Variants in PPL observed in about 807,000 individuals in gnomAD.
PPL encodes the protein periplakin.
In PPL, 198 loss-of-function variants were observed where a neutral mutation model predicts 194.4. The observed-to-expected ratio is 1.02, with a 90% CI of 0.91 to 1.15. The LOEUF is 1.15. PPL is among the 50% of genes most tolerant of loss of function. The pLI, the probability that PPL is intolerant of heterozygous loss-of-function variation, is 0.00. For missense variants in PPL, 2,885 were observed against 2,294.8 expected (o/e 1.26, Z -5.25); for synonymous variants, 1,220 against 972.4 (o/e 1.25, Z -4.74).
chr16:4,902,617 C>T lies in PPL; in HGVS notation c.318-91G>A. On this transcript the variant is annotated intron_variant, in intron 3 of 21. Coordinates refer to ENST00000345988, the MANE Select transcript of PPL (RefSeq NM_002705.5). The surrounding 1 kb of genome is among the most constrained non-coding windows in gnomAD (Gnocchi z 4.0). The stretch of plus-strand genomic sequence containing the variant: ...CCCACCCAGACCCCGGCCTCAGTGT[C>T]CTGGAAGGACACAGTGACCATATGG... 2 of 1,461,858 alleles carry T rather than the reference C, an allele frequency of 1.4e-6. No individual in the cohort carries two copies. The highest frequency in any genetic ancestry group is 1.9e-6 in the Non-Finnish European group (2 of 1,077,056). The allele number at this position is 1,461,858 out of a possible 1,614,324, so 90.6% of individuals were successfully genotyped here.
At chr16:4,922,610 C>T (rs1029094968) in intron 1 of PPL, among the ~76,000 whole-genome samples, 4 of 151,964 alleles carry the variant, frequency 2.6e-5, no homozygotes, top group Non-Finnish European at 2.9e-5. Context: ...TGTAGTGAGC[C>T]GAGACTGTGC....
Position 4,920,698 on chromosome 16 carries a change from T to G in PPL, c.63-9749A>C, listed in dbSNP as rs367736108. Among the ~76,000 whole-genome samples the G allele has an allele frequency of 5.9e-5, 9 of 152,232 alleles. No individual in the cohort carries two copies. In the East Asian group the frequency reaches 7.7e-4, roughly 13 times the overall value. ...GGGTGGTCTTGAACTCCTGATCAGG[T>G]GATCTGCCTGCTTCGGCCTCCCAAA... is the stretch of plus-strand genomic sequence containing the variant. On this transcript the variant is annotated intron_variant, in intron 1 of 21. Coordinates refer to ENST00000345988, the MANE Select transcript of PPL (RefSeq NM_002705.5).
At chr16:4,894,640 G>A (rs368077308) in intron 11 of PPL, 22 bp from the exon 12 acceptor site, 5 of 1,608,578 alleles carry the variant, frequency 3.1e-6, no homozygotes, top group Admixed American at 1.7e-5. Flanking sequence ...AGGCTGGACA[G>A]TCAGGATCCC....
In PPL at chr16:4,901,172, G is replaced by A. The variant is rs1208563600; in HGVS notation, c.439-83C>T. The A allele has an allele frequency of 7.5e-6, 11 of 1,469,608 alleles. 1 individual carries two copies. The highest frequency in any genetic ancestry group is 6.4e-5 in the South Asian group (5 of 78,150). The allele number at this position is 1,469,608 out of a possible 1,614,324, so 91.0% of individuals were successfully genotyped here. On this transcript the variant is annotated intron_variant, in intron 4 of 21. Coordinates refer to ENST00000345988, the MANE Select transcript of PPL (RefSeq NM_002705.5). ...TGGCCACCCCAGGAGCCTCGGGGGT[G>A]GGCATGATGGTGCTCTCTTTTTCAC...
rs140712069 is a variant in PPL at position 4,902,776 on chromosome 16, G to A, written c.318-250C>T. ...GTCATCTCAGCTCATGGCAGCCTCC[G>A]CCTCCCAGGTTCAAGCAATTCTCCT... is the stretch of plus-strand genomic sequence containing the variant. On this transcript the variant is annotated intron_variant, in intron 3 of 21. Coordinates refer to ENST00000345988, the MANE Select transcript of PPL (RefSeq NM_002705.5). This position sits in a 1 kb window ranked among gnomAD's most constrained non-coding sequence, Gnocchi z 4.0. Among the ~76,000 whole-genome samples, 1,104 of 151,200 alleles carry A rather than the reference G, an allele frequency of 7.3e-3. 9 individuals are homozygous for A. The highest frequency in any genetic ancestry group is 0.025 in the African/African-American group (1,046 of 41,108).
chr16:4,895,813 C>A, intron 9 of PPL, 97 bp from the exon 10 acceptor site: 1 of 1,544,882 alleles, frequency 6.5e-7, no homozygotes, highest in African/African-American at 1.4e-5. Flanking sequence ...CGGGGCTGGG[C>A]CTCCGGTTCA....
chr16:4,910,624 G>A (rs2142385397), intron 2 of PPL, among the ~76,000 whole-genome samples: 1 of 152,282 alleles, frequency 6.6e-6, no homozygotes, highest in South Asian at 2.1e-4. Flanking sequence ...TGGCACCCCT[G>A]CCCTACAGTG....
At chr16:4,924,488 G>C (rs1485865520) in intron 1 of PPL, among the ~76,000 whole-genome samples, 1 of 152,170 alleles carries the variant, frequency 6.6e-6, no homozygotes, top group Non-Finnish European at 1.5e-5. Context: ...GGCGCTCAGA[G>C]CATCTTCCAG....
In PPL at chr16:4,895,704, C is replaced by T. The variant is rs142355114; in HGVS notation, c.985G>A (p.Val329Met). Residue 329 changes from valine to methionine, a missense_variant, in exon 10 of 22, where the codon GTG becomes ATG. By Grantham distance (21) the Val-to-Met change is conservative (BLOSUM62 1). Transcript: ENST00000345988. ...MEDYHQFHED[V>M]KDAQELLRKV... ...CGCAGCAGCTCCTGAGCGTCCTTCA[C>T]GTCTTCGTGAAACTAGGGGAGAAGG... The T allele has an allele frequency of 6.0e-5, 97 of 1,613,820 alleles. No individual in the cohort carries two copies. Among genetic ancestry groups the T allele is most frequent in the African/African-American group, 8.0e-5 (6 of 74,944 alleles).
intron 16 of PPL, chr16:4,891,527 C>T (rs1253902073): frequency 2.8e-6 from 1 of 363,508 alleles, no homozygotes; most frequent in South Asian, 9.8e-5. Context: ...AGCAATCCTG[C>T]CCCAGCCTCC....
rs752632663 is a variant in PPL at position 4,937,057 on chromosome 16, G to C, written c.-12C>G. 1.6e-5 allele frequency: 23 copies of C among 1,417,860 alleles called. No homozygotes were observed. Among genetic ancestry groups the C allele is most frequent in the Admixed American group, 5.1e-5 (2 of 39,248 alleles). 87.8% of individuals were successfully genotyped at this position (1,417,860 alleles called of 1,614,324 possible). ...AAGAGCGAGTTCATGGTGGCGCTCGGGGTGCGGGCGGCGGCGGCTGGCGGG... is the reference window on the plus strand; with the variant it reads ...AAGAGCGAGTTCATGGTGGCGCTCGCGGTGCGGGCGGCGGCGGCTGGCGGG... On this transcript the variant is annotated 5_prime_UTR_variant, in exon 1 of 22. Coordinates refer to ENST00000345988, the MANE Select transcript of PPL (RefSeq NM_002705.5).
In PPL at chr16:4,886,032, C is replaced by T; in HGVS notation, c.2623G>A (p.Val875Met). 6.2e-7 allele frequency: 1 copy of T among 1,613,992 alleles called. No individual in the cohort carries two copies. Among genetic ancestry groups the T allele is most frequent in the Non-Finnish European group, 8.5e-7 (1 of 1,180,036 alleles). The stretch of plus-strand genomic sequence containing the variant: ...TTCCTTTGCAGGGTCTCATGGGTCA[C>T]TTCTACTTCCGGCTGCTGTGATGGA... ...NLLRQQPEVE[V>M]THETLQRNRP... is the part of the protein sequence containing the mutation. The change falls in exon 22 of 22, where the codon GTG becomes ATG. Residue 875 changes from valine to methionine, a missense_variant. Coordinates refer to ENST00000345988, the MANE Select transcript of PPL (RefSeq NM_002705.5).
rs2972277 is a variant in PPL, at chr16:4,933,529, T to A, written c.62+3455A>T. Among the ~76,000 whole-genome samples, 10 of 152,226 alleles carry A rather than the reference T, an allele frequency of 6.6e-5. No individual in the cohort carries two copies. In the South Asian group the frequency reaches 2.1e-3, roughly 32 times the overall value. On this transcript the variant is annotated intron_variant, in intron 1 of 21. Transcript: ENST00000345988. ...CGTGACAGGTCAGATGCCTCCTCTGTGAAGTCCTCCCTCACCTCCCAGCAT... is the reference window on the plus strand; with the variant it reads ...CGTGACAGGTCAGATGCCTCCTCTGAGAAGTCCTCCCTCACCTCCCAGCAT...
chr16:4,935,731 C>T (rs1215316246), intron 1 of PPL, among the ~76,000 whole-genome samples: 1 of 152,188 alleles, frequency 6.6e-6, no homozygotes, highest in Admixed American at 6.5e-5. Context: ...GCTAGGGCCC[C>T]GCCGCCTGCA....
At chr16:4,893,132 G>A in intron 14 of PPL, 81 bp downstream of exon 14, 3 of 1,416,792 alleles carry the variant, frequency 2.1e-6, no homozygotes, top group South Asian at 1.5e-5. Flanking sequence ...AGACTCCATG[G>A]GGAAAAGACC....
chr16:4,929,532 A>T (rs562140786), intron 1 of PPL, among the ~76,000 whole-genome samples: 1 of 152,302 alleles, frequency 6.6e-6, no homozygotes, highest in Non-Finnish European at 1.5e-5. Flanking sequence ...TCAGCCACGC[A>T]TGTCCCCACC....
chr16:4,896,937 G>A (rs1452202639), intron 9 of PPL, among the ~76,000 whole-genome samples: 3 of 151,856 alleles, frequency 2.0e-5, no homozygotes, highest in Non-Finnish European at 4.4e-5. Context: ...GCCCAGCCAG[G>A]GTATAGGGTT....
In PPL at chr16:4,903,954, A is replaced by G; in HGVS notation, c.249T>C (p.Tyr83=). The change falls in exon 3 of 22, where the codon TAT becomes TAC. Residue 83 remains tyrosine (Y), a synonymous_variant. Transcript: ENST00000345988. The part of the protein sequence containing the change: ...QKVLDSEKLL[Y]VLEADAAIAK... ...CAATGGCCGCATCCGCCTCTAGCACATAGAGCAGCTTCTCAGAGTCCAACA... is the reference window on the plus strand; with the variant it reads ...CAATGGCCGCATCCGCCTCTAGCACGTAGAGCAGCTTCTCAGAGTCCAACA... 2 of 1,614,080 alleles carry G rather than the reference A, an allele frequency of 1.2e-6. No individual in the cohort carries two copies. The highest frequency in any genetic ancestry group is 1.1e-5 in the South Asian group (1 of 91,092).
intron 2 of PPL, among the ~76,000 whole-genome samples, chr16:4,910,215 C>G (rs2088791235): frequency 6.6e-6 from 1 of 152,196 alleles, no homozygotes; most frequent in South Asian, 2.1e-4. Context: ...ATTTGCCCAG[C>G]TATTTTATCT....
Sources: allele counts gnomAD v4.1 joint callset (sites outside exome capture counted in the v4.1 genomes callset), GRCh38; gene constraint gnomAD v4.1.1; non-coding constraint Gnocchi (gnomAD v3.1); transcripts MANE v1.5; gene names NCBI Gene and HGNC (gene_info 2026-07-23, HGNC 2026-07-21).